Variants in RARB observed in about 807,000 individuals in gnomAD.
RARB encodes the protein retinoic acid receptor beta.
In RARB, 17 loss-of-function variants were observed where a neutral mutation model predicts 51.9. The ratio of observed to expected loss-of-function variants is 0.33; its 90% CI spans 0.22 to 0.49. The LOEUF is 0.49. Ranked by LOEUF, RARB falls within the 20% of genes least tolerant of loss-of-function variation. RARB has a pLI of 0.99. For missense variants in RARB, 369 were observed against 550.8 expected, an observed-to-expected ratio of 0.67 and a Z score of 3.30; for synonymous variants, 215 against 195.4, an observed-to-expected ratio of 1.10 and a Z score of -0.84.
chr3:25,209,496 A>T (rs573915393), intron 5 of RARB, among the ~76,000 whole-genome samples: 4 of 152,216 alleles, frequency 2.6e-5, no homozygotes, highest in African/African-American at 9.6e-5. Flanking sequence ...GCCAAAGTCA[A>T]TGTTTTACAG....
At position 25,144,412 on chromosome 3, in the gene RARB, C is replaced by T. The variant is rs144872998; in HGVS notation, c.-280+12204C>T. Among the ~76,000 whole-genome samples the T allele has an allele frequency of 4.2e-3, 646 of 152,128 alleles. 4 individuals carry two copies. The highest frequency in any genetic ancestry group is 6.3e-3 in the Non-Finnish European group (430 of 68,010). On this transcript the variant is annotated intron_variant, in intron 4 of 11. Transcript: ENST00000383772. ...TCTGGAGGGGGTTGGTGAGGAGCTA[C>T]AAGGCAAGCTATTCCCAAAGCATAG...
intron 5 of RARB, among the ~76,000 whole-genome samples, chr3:25,298,831 G>T (rs1703976414): frequency 6.6e-6 from 1 of 152,148 alleles, no homozygotes; most frequent in African/African-American, 2.4e-5. Flanking sequence ...CTGCCCAATT[G>T]TCCAAGAACC....
chr3:25,285,043 A>G (rs547836631), intron 5 of RARB, among the ~76,000 whole-genome samples: 2 of 152,012 alleles, frequency 1.3e-5, no homozygotes, highest in Non-Finnish European at 2.9e-5. Flanking sequence ...TCCCTCTCTT[A>G]CTCACTTTTG....
At chr3:25,258,231 A>T (rs1488856541) in intron 5 of RARB, among the ~76,000 whole-genome samples, 6 of 152,122 alleles carry the variant, frequency 3.9e-5, no homozygotes, top group African/African-American at 1.4e-4. Flanking sequence ...ACTACCTCTA[A>T]AGATGATTTC....
intron 5 of RARB, among the ~76,000 whole-genome samples, chr3:25,309,331 GGGTTTCACCGTGTTAGCCA>G (rs1704230213): frequency 6.7e-6 from 1 of 150,220 alleles, no homozygotes; most frequent in Non-Finnish European, 1.5e-5. Context: ...AGCAGAGACG[GGGTTTCACCGTGTTAGCCA>G]GGCTGGTCTC....
chr3:25,204,798 A>T (rs1416285417), intron 5 of RARB, among the ~76,000 whole-genome samples: 1 of 152,184 alleles, frequency 6.6e-6, no homozygotes, highest in Admixed American at 6.5e-5. Flanking sequence ...TTTGTCTCAG[A>T]GTAGTACCCA....
intron 1 of RARB, among the ~76,000 whole-genome samples, chr3:24,832,628 A>ATATATATATATATATATATTAT (rs1559366440): frequency 1.1e-5 from 1 of 88,456 alleles, no homozygotes; most frequent in Non-Finnish European, 2.2e-5. Context: ...ATTGAGTCCC[A>ATATATATATATATATATATTAT]ATATATATAT....
rs568991678 is a variant in RARB, at chr3:25,413,034, AAAG to A, written c.179-48147_179-48145del. Among the ~76,000 whole-genome samples the A allele has an allele frequency of 6.8e-4, 104 of 152,144 alleles. 1 individual carries two copies. In the South Asian group the frequency reaches 0.011, roughly 17 times the overall value. On this transcript the variant is annotated intron_variant, in intron 5 of 11. Transcript: ENST00000383772. ...AATTCCATCTTGGGGGAAAAAAAAAAAAGAAGAAGAAGAAAGAAAAAATATGAC... is the reference window on the plus strand; with the variant it reads ...AATTCCATCTTGGGGGAAAAAAAAAAAAGAAGAAGAAAGAAAAAATATGAC...
intron 4 of RARB, among the ~76,000 whole-genome samples, chr3:25,139,539 G>A (rs9840225): frequency 0.11 from 16,918 of 152,060 alleles, 976 homozygotes; most frequent in Non-Finnish European, 0.13. Context: ...GAAGCTGCTG[G>A]AAAAAAAGTT....
rs1326612906 is a variant in RARB at position 24,990,259 on chromosome 3, C to T, written c.-379-69866C>T. 4.0e-4 allele frequency among the ~76,000 whole-genome samples: 37 copies of T among 91,858 alleles called. 11 individuals are homozygous for T. The highest frequency in any genetic ancestry group is 1.5e-3 in the African/African-American group (35 of 23,070). 60.3% of individuals were successfully genotyped at this position (91,858 alleles called of 152,430 possible). A position where few individuals can be genotyped will look rare whatever the true frequency, so the allele number is the denominator to read the frequency against. ...GTTACATATGTATACATGTGCCATG[C>T]TGGTGTGCTGCACCCATTAACTCGT... On this transcript the variant is annotated intron_variant, in intron 2 of 11. Transcript: ENST00000383772.
intron 2 of RARB, among the ~76,000 whole-genome samples, chr3:24,989,605 T>C (rs1696867393): frequency 9.3e-6 from 1 of 107,296 alleles, no homozygotes; most frequent in Non-Finnish European, 1.9e-5. Flanking sequence ...TTGAGCGTCA[T>C]TTTTTAACCA....
chr3:25,593,688 C>A lies in RARB; in HGVS notation c.972C>A (p.Ala324=). Residue 324 remains alanine (A), a synonymous_variant, in exon 6 of 8, where the codon GCC becomes GCA. Coordinates refer to ENST00000330688, the MANE Select transcript of RARB (RefSeq NM_000965.5). ...ACACAGAAACAGGCCTTCTCAGTGCCATCTGCTTAATCTGTGGAGGTACCA... is the reference window on the plus strand; with the variant it reads ...ACACAGAAACAGGCCTTCTCAGTGCAATCTGCTTAATCTGTGGAGGTACCA... ...MDDTETGLLS[A]ICLICGDRQD... 1 of 1,613,990 alleles carries A rather than the reference C, an allele frequency of 6.2e-7. No homozygotes were observed. Among genetic ancestry groups the A allele is most frequent in the Non-Finnish European group, 8.5e-7 (1 of 1,179,902 alleles).
intron 5 of RARB, among the ~76,000 whole-genome samples, chr3:25,389,996 A>G (rs1706904971): frequency 6.6e-6 from 1 of 152,172 alleles, no homozygotes; most frequent in South Asian, 2.1e-4. Context: ...CTCAAGAGGT[A>G]AAACAAGGCT....
intron 2 of RARB, among the ~76,000 whole-genome samples, chr3:25,466,255 T>A (rs969252878): frequency 1.1e-4 from 16 of 152,242 alleles, no homozygotes; most frequent in African/African-American, 3.6e-4. Context: ...TGGCGCGATC[T>A]AGGCTCACTG....
intron 5 of RARB, among the ~76,000 whole-genome samples, chr3:25,348,917 G>C (rs914551152): frequency 1.3e-5 from 2 of 152,140 alleles, no homozygotes; most frequent in Admixed American, 1.3e-4. Context: ...GCTGGACTTA[G>C]GGACCACACT....
intron 5 of RARB, among the ~76,000 whole-genome samples, chr3:25,208,948 A>G (rs1315750809): frequency 1.3e-5 from 2 of 152,208 alleles, no homozygotes; most frequent in African/African-American, 4.8e-5. Flanking sequence ...CACGGAATAC[A>G]TAAGCAGCAG....
intron 5 of RARB, among the ~76,000 whole-genome samples, chr3:25,201,215 G>A (rs1701381036): frequency 6.6e-6 from 1 of 152,110 alleles, no homozygotes; most frequent in Non-Finnish European, 1.5e-5. Context: ...GTTCACTCGT[G>A]ATTTGGCTCT....
chr3:25,458,473 T>G (rs1006387674), intron 1 of RARB: 2 of 152,222 alleles, frequency 1.3e-5, no homozygotes, highest in African/African-American at 4.8e-5. Context: ...CAAGCAGTGT[T>G]TTCTTGTTAA....
chr3:24,873,048 G>A (rs1351833782), intron 2 of RARB, among the ~76,000 whole-genome samples: 1 of 152,122 alleles, frequency 6.6e-6, no homozygotes, highest in African/African-American at 2.4e-5. Flanking sequence ...TAGCATAAAA[G>A]CAGTTATAGC....
Sources: allele counts gnomAD v4.1 joint callset (sites outside exome capture counted in the v4.1 genomes callset), GRCh38; gene constraint gnomAD v4.1.1; transcripts MANE v1.5; gene names NCBI Gene and HGNC (gene_info 2026-07-23, HGNC 2026-07-21).